ZMAT5: variants seen among roughly 807,000 people sequenced by gnomAD.
ZMAT5 encodes zinc finger matrin-type 5.
ZMAT5 carries 23 observed loss-of-function variants against 28.0 expected under a neutral mutation model. The ratio of observed to expected loss-of-function variants is 0.82; its 90% confidence interval spans 0.59 to 1.16. The LOEUF is 1.16. Ranked by LOEUF, ZMAT5 falls within the 50% of genes most tolerant of loss-of-function variation. ZMAT5 has a pLI of 0.00. For synonymous variants in ZMAT5, 76 were observed against 84.1 expected (o/e 0.90, Z 0.52); for missense variants, 173 against 212.7 (o/e 0.81, Z 1.16).
intron 4 of ZMAT5, among the ~76,000 whole-genome samples, chr22:29,739,543 G>A (rs1319923117): frequency 6.6e-6 from 1 of 152,222 alleles, no homozygotes; most frequent in Non-Finnish European, 1.5e-5. Context: ...CAAGGTTACA[G>A]AGGACGTGGC....
chr22:29,734,823 C>A (rs938284107), intron 5 of ZMAT5, among the ~76,000 whole-genome samples: 1 of 105,148 alleles, frequency 9.5e-6, no homozygotes, highest in African/African-American at 3.7e-5. Flanking sequence ...CAGGGAGGGT[C>A]CCCCGCCCCA....
At chr22:29,756,558 G>A (rs528556905) in intron 1 of ZMAT5, among the ~76,000 whole-genome samples, 31 of 152,218 alleles carry the variant, frequency 2.0e-4, no homozygotes, top group Non-Finnish European at 3.5e-4. Context: ...TTTCTGACTC[G>A]GCAGGTCTGG....
intron 5 of ZMAT5, chr22:29,731,988 G>GTCC (rs1242659816): frequency 6.6e-6 from 1 of 152,028 alleles, no homozygotes. Flanking sequence ...GCTACTCACT[G>GTCC]TCCTCCTCCT....
intron 5 of ZMAT5, chr22:29,731,614 T>G (rs942089861): frequency 2.9e-5 from 13 of 444,304 alleles, no homozygotes; most frequent in Non-Finnish European, 4.3e-5. Flanking sequence ...TGTCCACCTG[T>G]GGGGGACTGA....
chr22:29,731,438 C>T, intron 5 of ZMAT5, 84 bp from the exon 6 acceptor site: 6 of 1,487,708 alleles, frequency 4.0e-6, no homozygotes, highest in Non-Finnish European at 4.4e-6. Flanking sequence ...GCCTCACCAC[C>T]CTGGCTGTGG....
intron 1 of ZMAT5, among the ~76,000 whole-genome samples, chr22:29,766,579 C>T (rs1045208556): frequency 6.6e-6 from 1 of 152,244 alleles, no homozygotes; most frequent in Non-Finnish European, 1.5e-5. Flanking sequence ...TCTTTTCAAT[C>T]CCAAGCAGGT....
chr22:29,739,087 A>C (rs1309237882), intron 4 of ZMAT5, among the ~76,000 whole-genome samples: 2 of 151,626 alleles, frequency 1.3e-5, no homozygotes, highest in Non-Finnish European at 2.9e-5. Flanking sequence ...CAGTGAGGGC[A>C]GTCGAATGGG....
In ZMAT5 at chr22:29,731,345, G is replaced by T; in HGVS notation, c.393C>A (p.Pro131=). The T allele has an allele frequency of 6.5e-7, 1 of 1,542,366 alleles. No homozygotes were observed. The highest frequency in any genetic ancestry group is 1.3e-5 in the South Asian group (1 of 78,898). ...LSSAPSSRAE[P]IRTTVFQYPV... ...GGTACTGGAAGACAGTGGTTCTGAT[G>T]GGTTCAGCCCTAGAGAGAGAGAGAG... The change falls in exon 6 of 6, where the codon CCC becomes CCA. Residue 131 remains proline (P), a synonymous_variant. Coordinates refer to ENST00000344318, the MANE Select transcript of ZMAT5 (RefSeq NM_001003692.2).
At chr22:29,748,679 T>A (rs2068031392) in intron 1 of ZMAT5, 108 bp from the exon 2 acceptor site, 3 of 1,387,258 alleles carry the variant, frequency 2.2e-6, no homozygotes, top group Non-Finnish European at 2.9e-6. Context: ...TTTACTCATA[T>A]GCACCCCGCC....
At chr22:29,745,168 G>A (rs925867721) in intron 2 of ZMAT5, among the ~76,000 whole-genome samples, 8 of 152,220 alleles carry the variant, frequency 5.3e-5, no homozygotes, top group African/African-American at 9.7e-5. Context: ...AACATCTAGC[G>A]TGTAGCCAAA....
chr22:29,755,624 T>C (rs981352107), intron 1 of ZMAT5, among the ~76,000 whole-genome samples: 1 of 152,170 alleles, frequency 6.6e-6, no homozygotes, highest in African/African-American at 2.4e-5. Context: ...CAAGTGTCCA[T>C]TTTACAGACC....
At chr22:29,757,370 T>G (rs1462446902) in intron 1 of ZMAT5, among the ~76,000 whole-genome samples, 1 of 152,082 alleles carries the variant, frequency 6.6e-6, no homozygotes, top group African/African-American at 2.4e-5. Context: ...TAAACACAAC[T>G]ACTCTAATCA....
rs183484838 is a variant in ZMAT5 at position 29,743,754 on chromosome 22, G to A, written c.128-1274C>T. Reference sequence around the variant, plus strand: ...GCCTATCTTTACTTTCATCATATAGGTATGGTTTTAAATTTGCTTCTTGAT... The same window carrying A: ...GCCTATCTTTACTTTCATCATATAGATATGGTTTTAAATTTGCTTCTTGAT... On this transcript the variant is annotated intron_variant, in intron 2 of 5. Transcript: ENST00000344318. Among the ~76,000 whole-genome samples the A allele has an allele frequency of 2.9e-4, 44 of 152,314 alleles. No individual in the cohort carries two copies. The East Asian group carries it at 6.6e-3, about 23-fold the overall frequency.
chr22:29,742,310 G>C, intron 3 of ZMAT5, 108 bp downstream of exon 3: 1 of 1,128,926 alleles, frequency 8.9e-7, no homozygotes, highest in East Asian at 2.4e-5. Flanking sequence ...TGCAAAGTGG[G>C]CTTGGGATGG....
In ZMAT5 at chr22:29,731,105, T is replaced by C; in HGVS notation, c.*120A>G. ...ACTTGGTGTGGCCGTGTCCTGAGCC[T>C]CAGTGAGGCTGGGCAGATGGTCTCG... On this transcript the variant is annotated 3_prime_UTR_variant, in exon 6 of 6. Transcript: ENST00000344318. 8.7e-7 allele frequency: 1 copy of C among 1,153,302 alleles called. No homozygotes were observed. The highest frequency in any genetic ancestry group is 2.1e-5 in the South Asian group (1 of 48,200). The allele number at this position is 1,153,302 out of a possible 1,614,324, so 71.4% of individuals were successfully genotyped here. A position where few individuals can be genotyped will look rare whatever the true frequency, so the allele number is the denominator to read the frequency against.
At chr22:29,762,362 C>T (rs131286) in intron 1 of ZMAT5, among the ~76,000 whole-genome samples, 63,590 of 152,170 alleles carry the variant, frequency 0.42, 13,923 homozygotes, top group East Asian at 0.6. Context: ...GGCCCCGGAA[C>T]GGTACGGGTC....
intron 1 of ZMAT5, chr22:29,758,897 G>A (rs566774534): frequency 7.2e-5 from 11 of 152,388 alleles, no homozygotes; most frequent in South Asian, 4.1e-4. Context: ...TTTGTAAGGC[G>A]GGGATAAATC....
chr22:29,742,328 G>C lies in ZMAT5; in HGVS notation c.190+90C>G. 2.9e-6 allele frequency: 4 copies of C among 1,366,552 alleles called. No homozygotes were observed. In the East Asian group the frequency reaches 9.4e-5, roughly 32 times the overall value. The allele number at this position is 1,366,552 out of a possible 1,614,324, so 84.7% of individuals were successfully genotyped here. A position where few individuals can be genotyped will look rare whatever the true frequency, so the allele number is the denominator to read the frequency against. On this transcript the variant is annotated intron_variant, in intron 3 of 5. Coordinates refer to ENST00000344318, the MANE Select transcript of ZMAT5 (RefSeq NM_001003692.2). Reference sequence around the variant, plus strand: ...AAAGTGGGCTTGGGATGGTGGCCCGGGTCGGGGAAGACACTCTGCAGAGGT... The same window carrying C: ...AAAGTGGGCTTGGGATGGTGGCCCGCGTCGGGGAAGACACTCTGCAGAGGT...
At chr22:29,732,162 G>A (rs551495931) in intron 5 of ZMAT5, among the ~76,000 whole-genome samples, 27 of 152,318 alleles carry the variant, frequency 1.8e-4, no homozygotes, top group African/African-American at 6.5e-4. Context: ...TCTGGCCTTG[G>A]GCCCCACGCA....
Sources: allele counts gnomAD v4.1 joint callset (sites outside exome capture counted in the v4.1 genomes callset), GRCh38; gene constraint gnomAD v4.1.1; transcripts MANE v1.5; gene names NCBI Gene and HGNC (gene_info 2026-07-23, HGNC 2026-07-21).